PTCD1: variants seen among roughly 807,000 people sequenced by gnomAD.
PTCD1 encodes pentatricopeptide repeat domain 1, also known as pentatricopeptide repeat-containing protein 1, mitochondrial.
A neutral mutation model predicts 53.4 loss-of-function variants in PTCD1; 50 were observed. The observed-to-expected ratio is 0.94, with a 90% CI of 0.75 to 1.19. PTCD1 has a LOEUF of 1.19. PTCD1 is among the 50% of genes most tolerant of loss of function. PTCD1 has a pLI of 0.00. For missense variants in PTCD1, 918 were observed against 904.8 expected (o/e 1.01, Z -0.19); for synonymous variants, 413 against 394.8 (o/e 1.05, Z -0.55).
chr7:99,425,259 C>T lies in PTCD1; in HGVS notation c.1273G>A (p.Ala425Thr), dbSNP rs746624206. The change falls in exon 6 of 8, where the codon GCC becomes ACC. Residue 425 changes from alanine to threonine, a missense_variant. Transcript: ENST00000292478. ...DTKAEPSHTA[A>T]LTAVALKPPP... ...GGCTTCAGGGCCACTGCGGTGAGGGCTGCTGTGTGGCTGGGCTCTGCCTTA... is the reference window on the plus strand; with the variant it reads ...GGCTTCAGGGCCACTGCGGTGAGGGTTGCTGTGTGGCTGGGCTCTGCCTTA... 30 of 1,613,032 alleles carry T rather than the reference C, an allele frequency of 1.9e-5. No homozygotes were observed. In the South Asian group the frequency reaches 3.2e-4, roughly 17 times the overall value.
chr7:99,431,915 C>T, intron 3 of PTCD1, among the ~76,000 whole-genome samples: 1 of 152,184 alleles, frequency 6.6e-6, no homozygotes, highest in Middle Eastern at 3.2e-3. Flanking sequence ...GAGACATGAG[C>T]TGTGTTGACT....
Position 99,429,572 on chromosome 7 carries a change from G to A in PTCD1, c.813+16C>T, listed in dbSNP as rs1163369598. ...CAGCCCCATGAAGGGGAGCAGGACG[G>A]CAGGGGAAGCCCCACCTTGAACACA... On this transcript the variant is annotated intron_variant, in intron 4 of 7. Coordinates refer to ENST00000292478, the MANE Select transcript of PTCD1 (RefSeq NM_015545.4). The A allele has an allele frequency of 2.5e-6, 4 of 1,614,206 alleles. No individual in the cohort carries two copies. Among genetic ancestry groups the A allele is most frequent in the Non-Finnish European group, 3.4e-6 (4 of 1,180,034 alleles).
intron 2 of PTCD1, among the ~76,000 whole-genome samples, chr7:99,433,792 G>A (rs376223255): frequency 2.6e-5 from 4 of 152,134 alleles, no homozygotes; most frequent in Non-Finnish European, 4.4e-5. Context: ...AGTGGCTCAC[G>A]CCTGTAATCC....
chr7:99,433,952 TAAGGCAGAAGAATTGCTTGAACCCGG>T (rs1187045067), intron 2 of PTCD1, among the ~76,000 whole-genome samples: 1 of 148,590 alleles, frequency 6.7e-6, no homozygotes, highest in Non-Finnish European at 1.5e-5. Flanking sequence ...CTTGGAAGGC[TAAGGCAGAAGAATTGCTTGAACCCGG>T]GAGGCAGAGG....
rs184788995 is a variant in PTCD1, at chr7:99,433,370, G to A, written c.502C>T (p.Arg168Ter). ...TAGTTGCTCTCCATGGGCTGCAATC[G>A]CTCCTCCTTCAGCATCTGCCTCTCA... ...LFERQMLKEERLQPMESNYTV... is the reference protein window; with the variant it reads ...LFERQMLKEE Residue 168 changes from arginine to a stop codon, truncating the protein, a stop_gained, in exon 3 of 8, where the codon CGA becomes TGA. Coordinates refer to ENST00000292478, the MANE Select transcript of PTCD1 (RefSeq NM_015545.4). LOFTEE classifies it high-confidence loss of function. 56 of 1,614,134 alleles carry A rather than the reference G, an allele frequency of 3.5e-5. No individual in the cohort carries two copies. The South Asian group carries it at 4.0e-4, about 11-fold the overall frequency.
In PTCD1 at chr7:99,417,631, G is replaced by T; in HGVS notation, c.*2336C>A. On this transcript the variant is annotated 3_prime_UTR_variant, in exon 8 of 8. Transcript: ENST00000292478. ...ACACTCAAGCTTGGTGTTGTTTTCAGCTCAAAATTCTGCCTTAGTCGACTG... is the reference window on the plus strand; with the variant it reads ...ACACTCAAGCTTGGTGTTGTTTTCATCTCAAAATTCTGCCTTAGTCGACTG... 1 of 1,605,840 alleles carries T rather than the reference G, an allele frequency of 6.2e-7. No homozygotes were observed.
At chr7:99,422,947 T>C (rs138241951) in intron 7 of PTCD1, among the ~76,000 whole-genome samples, 1 of 151,400 alleles carries the variant, frequency 6.6e-6, no homozygotes, top group African/African-American at 2.4e-5. Context: ...CATTACACTA[T>C]GGAAGTGGCA....
At chr7:99,421,425 T>C (rs1795806864) in intron 7 of PTCD1, among the ~76,000 whole-genome samples, 1 of 128,396 alleles carries the variant, frequency 7.8e-6, no homozygotes. Context: ...GATTCCCGTC[T>C]CTTTAAAAAA....
intron 4 of PTCD1, 149 bp from the exon 5 acceptor site, chr7:99,429,353 G>T: frequency 8.5e-7 from 1 of 1,183,070 alleles, no homozygotes; most frequent in South Asian, 1.3e-5. Flanking sequence ...AACATAGCAA[G>T]ACCCTGTCTC....
intron 7 of PTCD1, among the ~76,000 whole-genome samples, chr7:99,422,943 A>G (rs1345737413): frequency 6.6e-6 from 1 of 151,356 alleles, no homozygotes; most frequent in Non-Finnish European, 1.5e-5. Flanking sequence ...TCTGCATTAC[A>G]CTATGGAAGT....
intron 2 of PTCD1, among the ~76,000 whole-genome samples, chr7:99,433,799 A>T (rs1489579814): frequency 2.0e-5 from 3 of 152,190 alleles, no homozygotes; most frequent in Admixed American, 6.5e-5. Flanking sequence ...CACGCCTGTA[A>T]TCCCAGCACT....
At chr7:99,421,580 T>TA (rs1255958525) in intron 7 of PTCD1, among the ~76,000 whole-genome samples, 27,987 of 126,514 alleles carry the variant, frequency 0.22, 4,803 homozygotes, top group African/African-American at 0.5. Context: ...CCGTCTCTAC[T>TA]AAAAAAAAAA....
At position 99,417,603 on chromosome 7, in the gene PTCD1, C is replaced by CT. The variant is rs1795575783; in HGVS notation, c.*2363dup. Reference sequence around the variant, plus strand: ...AAAAGCAAGCTGGAAGTGGTAATGTCTGACACTCAAGCTTGGTGTTGTTTT... The same window carrying CT: ...AAAAGCAAGCTGGAAGTGGTAATGTCTTGACACTCAAGCTTGGTGTTGTTTT... On this transcript the variant is annotated 3_prime_UTR_variant, in exon 8 of 8. Transcript: ENST00000292478. The CT allele has an allele frequency of 1.2e-6, 2 of 1,610,424 alleles. No homozygotes were observed. The highest frequency in any genetic ancestry group is 3.3e-5 in the Admixed American group (2 of 59,990).
chr7:99,424,829 G>T lies in PTCD1; in HGVS notation c.1703C>A (p.Pro568Gln), dbSNP rs375045061. Residue 568 changes from proline to glutamine, a missense_variant, in exon 6 of 8, where the codon CCG (proline) becomes CAG (glutamine). Coordinates refer to ENST00000292478, the MANE Select transcript of PTCD1 (RefSeq NM_015545.4). ...TGTGAGAAGCTGTAGACCGTCCTTCGGCCTGTGGCACCCGATGGCCAGGTT... is the reference window on the plus strand; with the variant it reads ...TGTGAGAAGCTGTAGACCGTCCTTCTGCCTGTGGCACCCGATGGCCAGGTT... ...FCNLAIGCHRPKDGLQLLTDM... is the reference protein window; with the variant it reads ...FCNLAIGCHRQKDGLQLLTDM... 4.3e-6 allele frequency: 7 copies of T among 1,614,210 alleles called. No homozygotes were observed. The highest frequency in any genetic ancestry group is 4.2e-6 in the Non-Finnish European group (5 of 1,180,044).
At chr7:99,431,265 G>A (rs990856690) in intron 3 of PTCD1, among the ~76,000 whole-genome samples, 1 of 151,536 alleles carries the variant, frequency 6.6e-6, no homozygotes, top group African/African-American at 2.4e-5. Context: ...GAGTAGCTGG[G>A]ACTACAGGTA....
chr7:99,428,741 T>C (rs1396515553), intron 5 of PTCD1, among the ~76,000 whole-genome samples: 1 of 151,780 alleles, frequency 6.6e-6, no homozygotes, highest in Non-Finnish European at 1.5e-5. Flanking sequence ...TCAAAATAAA[T>C]GAATGAATGA....
At chr7:99,422,629 C>T (rs1277502245) in intron 7 of PTCD1, among the ~76,000 whole-genome samples, 2 of 152,194 alleles carry the variant, frequency 1.3e-5, no homozygotes, top group African/African-American at 2.4e-5. Context: ...CCTGAAAAAT[C>T]GAGCTGCAGA....
At chr7:99,432,073 C>T (rs1423677269) in intron 3 of PTCD1, among the ~76,000 whole-genome samples, 4 of 152,208 alleles carry the variant, frequency 2.6e-5, no homozygotes, top group African/African-American at 7.2e-5. Flanking sequence ...GACCTCTGCC[C>T]AGGAAAGCCA....
In PTCD1 at chr7:99,434,839, G is replaced by A; in HGVS notation, c.404C>T (p.Thr135Ile). 1 of 1,614,144 alleles carries A rather than the reference G, an allele frequency of 6.2e-7. No individual in the cohort carries two copies. Among genetic ancestry groups the A allele is most frequent in the Non-Finnish European group, 8.5e-7 (1 of 1,180,022 alleles). The change falls in exon 2 of 8, where the codon ACC becomes ATC. Residue 135 changes from threonine (T) to isoleucine (I), a missense_variant. Transcript: ENST00000292478. ...EPKLWRGRRN[T>I]PYWYFLQCKH... ...GCACTGCAAGAAGTACCAGTACGGG[G>A]TGTTTCTCCGGCCTCGCCATAATTT... is the stretch of plus-strand genomic sequence containing the variant.
Sources: allele counts gnomAD v4.1 joint callset (sites outside exome capture counted in the v4.1 genomes callset), GRCh38; gene constraint gnomAD v4.1.1; transcripts MANE v1.5; gene names NCBI Gene and HGNC (gene_info 2026-07-23, HGNC 2026-07-21).